GABRG3: variants seen among roughly 807,000 people sequenced by gnomAD.
The protein encoded by GABRG3 is gamma-aminobutyric acid type A receptor subunit gamma3, also known as gamma-aminobutyric acid receptor subunit gamma-3.
Under a neutral mutation model 48.8 loss-of-function variants are expected in GABRG3, and 25 were observed. The ratio of observed to expected loss-of-function variants is 0.51; its 90% confidence interval spans 0.37 to 0.72. The LOEUF is 0.72. GABRG3 is among the 30% of genes least tolerant of loss of function. GABRG3 has a pLI of 0.00. For missense variants in GABRG3, 394 were observed against 577.9 expected, an observed-to-expected ratio of 0.68 and a Z score of 3.26; for synonymous variants, 227 against 217.6, an observed-to-expected ratio of 1.04 and a Z score of -0.38.
intron 5 of GABRG3, among the ~76,000 whole-genome samples, chr15:27,436,615 A>T (rs536764148): frequency 6.6e-6 from 1 of 152,218 alleles, no homozygotes; most frequent in Non-Finnish European, 1.5e-5. Context: ...TGAGTTACTC[A>T]CTGGTAGATT....
At chr15:27,270,485 G>T (rs1245706395) in intron 3 of GABRG3, among the ~76,000 whole-genome samples, 7 of 152,146 alleles carry the variant, frequency 4.6e-5, no homozygotes, top group African/African-American at 1.7e-4. Flanking sequence ...AGTAAGCCCT[G>T]CACAGAAATA....
intron 3 of GABRG3, among the ~76,000 whole-genome samples, chr15:27,152,679 A>G (rs1898338736): frequency 6.6e-6 from 1 of 152,052 alleles, no homozygotes; most frequent in African/African-American, 2.4e-5. Flanking sequence ...ATGTCTTTTC[A>G]TATCTTTTGT....
intron 3 of GABRG3, among the ~76,000 whole-genome samples, chr15:27,321,213 C>T (rs547787732): frequency 1.3e-5 from 2 of 152,350 alleles, no homozygotes; most frequent in East Asian, 1.9e-4. Context: ...CTTCACAGGG[C>T]TTACCAGACC....
At chr15:27,212,577 C>T (rs1490299963) in intron 3 of GABRG3, among the ~76,000 whole-genome samples, 1 of 152,126 alleles carries the variant, frequency 6.6e-6, no homozygotes, top group Non-Finnish European at 1.5e-5. Flanking sequence ...TGGTGAAATA[C>T]ACATCCACCG....
intron 3 of GABRG3, among the ~76,000 whole-genome samples, chr15:27,246,288 C>T (rs966665735): frequency 1.3e-5 from 2 of 151,992 alleles, no homozygotes; most frequent in Non-Finnish European, 2.9e-5. Flanking sequence ...ATTTAGGAAA[C>T]TTTTAATCCC....
At chr15:27,249,189 C>A (rs1356062523) in intron 3 of GABRG3, among the ~76,000 whole-genome samples, 1 of 152,168 alleles carries the variant, frequency 6.6e-6, no homozygotes, top group African/African-American at 2.4e-5. Flanking sequence ...GTCCCGGCCA[C>A]CCAGATACCC....
At chr15:27,070,977 C>A (rs1320646121) in intron 3 of GABRG3, among the ~76,000 whole-genome samples, 1 of 152,196 alleles carries the variant, frequency 6.6e-6, no homozygotes, top group African/African-American at 2.4e-5. Flanking sequence ...TCCTGAAGCG[C>A]TGGGAGAACC....
chr15:27,514,241 A>G (rs998387873), intron 6 of GABRG3, among the ~76,000 whole-genome samples: 1 of 152,240 alleles, frequency 6.6e-6, no homozygotes, highest in African/African-American at 2.4e-5. Flanking sequence ...ACAAATTGCC[A>G]CAAACTTAGT....
intron 5 of GABRG3, among the ~76,000 whole-genome samples, chr15:27,334,136 C>T (rs182125894): frequency 1.6e-4 from 25 of 152,274 alleles, no homozygotes; most frequent in Admixed American, 1.3e-3. Context: ...AGTATAGCTG[C>T]AGTATATACC....
chr15:26,974,925 G>A lies in GABRG3; in HGVS notation c.54-2077G>A, dbSNP rs192420889. On this transcript the variant is annotated intron_variant, in intron 1 of 9. Transcript: ENST00000615808. This position sits in a 1 kb window ranked among gnomAD's most constrained non-coding sequence, Gnocchi z 4.3. ...GTCTCGCTCTGTTGCCCAGGCTGGA[G>A]TGCAGTGACACTATCTCGGCTCACT... is the stretch of plus-strand genomic sequence containing the variant. Among the ~76,000 whole-genome samples the A allele has an allele frequency of 6.6e-6, 1 of 150,516 alleles. No individual in the cohort carries two copies. Among genetic ancestry groups the A allele is most frequent in the South Asian group, 2.1e-4 (1 of 4,766 alleles).
intron 3 of GABRG3, among the ~76,000 whole-genome samples, chr15:27,227,732 A>G (rs1485070869): frequency 2.0e-5 from 3 of 152,012 alleles, no homozygotes. Flanking sequence ...TTATCTACAA[A>G]ATTTAATTAC....
chr15:27,344,709 A>G (rs1409935458), intron 5 of GABRG3, among the ~76,000 whole-genome samples: 1 of 4,770 alleles, frequency 2.1e-4, no homozygotes, highest in Non-Finnish European at 5.0e-4. Context: ...ACCAATTGAT[A>G]AACCATTTTT....
intron 3 of GABRG3, among the ~76,000 whole-genome samples, chr15:27,235,799 A>G (rs1446688338): frequency 6.6e-6 from 1 of 152,174 alleles, no homozygotes; most frequent in Non-Finnish European, 1.5e-5. Flanking sequence ...AGAACATTGT[A>G]GAGGAAAAAT....
intron 6 of GABRG3, among the ~76,000 whole-genome samples, chr15:27,502,670 C>T (rs1028937444): frequency 6.6e-6 from 1 of 152,220 alleles, no homozygotes; most frequent in African/African-American, 2.4e-5. Context: ...GACCAACGGG[C>T]TTCAAGTTGG....
intron 3 of GABRG3, among the ~76,000 whole-genome samples, chr15:27,163,894 C>T (rs1387767719): frequency 1.3e-5 from 2 of 152,216 alleles, no homozygotes; most frequent in Non-Finnish European, 2.9e-5. Context: ...CTTGGCATCT[C>T]TCCCCTGCAG....
At chr15:27,161,527 A>G (rs1350883755) in intron 3 of GABRG3, among the ~76,000 whole-genome samples, 1 of 152,220 alleles carries the variant, frequency 6.6e-6, no homozygotes, top group Non-Finnish European at 1.5e-5. Context: ...TAAAGAAGTT[A>G]AATTTGCTTG....
At chr15:27,223,479 A>G (rs923437850) in intron 3 of GABRG3, among the ~76,000 whole-genome samples, 1 of 152,192 alleles carries the variant, frequency 6.6e-6, no homozygotes, top group African/African-American at 2.4e-5. Flanking sequence ...GTCAATTTCT[A>G]TGTTTACTTA....
At chr15:27,021,543 C>T (rs906683752) in intron 2 of GABRG3, among the ~76,000 whole-genome samples, 7 of 152,140 alleles carry the variant, frequency 4.6e-5, no homozygotes, top group Admixed American at 3.3e-4. Context: ...GACACTTACT[C>T]GAAATTTATG....
intron 3 of GABRG3, among the ~76,000 whole-genome samples, chr15:27,053,546 T>G (rs755078922): frequency 6.6e-6 from 1 of 152,112 alleles, no homozygotes; most frequent in Non-Finnish European, 1.5e-5. Flanking sequence ...AGAAGGTAAA[T>G]TGGTTCAGCC....
Sources: allele counts gnomAD v4.1 joint callset (sites outside exome capture counted in the v4.1 genomes callset), GRCh38; gene constraint gnomAD v4.1.1; non-coding constraint Gnocchi (gnomAD v3.1); transcripts MANE v1.5; gene names NCBI Gene and HGNC (gene_info 2026-07-23, HGNC 2026-07-21).